Variants in NUP62 observed in about 807,000 individuals in gnomAD.
The protein encoded by NUP62 is nuclear pore glycoprotein p62.
For synonymous variants in NUP62, 305 were observed against 303.4 expected, an observed-to-expected ratio of 1.01 and a Z score of -0.05; for missense variants, 647 against 689.4, an observed-to-expected ratio of 0.94 and a Z score of 0.69.
intron 2 of NUP62, among the ~76,000 whole-genome samples, chr19:49,925,430 C>G (rs142564599): frequency 1.8e-3 from 253 of 143,016 alleles, no homozygotes; most frequent in African/African-American, 6.3e-3. Flanking sequence ...CCCTCCCCCC[C>G]ATCTCTACTA....
At position 49,907,424 on chromosome 19, in the gene NUP62, G is replaced by A; in HGVS notation, c.*815C>T. 2.5e-6 allele frequency: 1 copy of A among 396,536 alleles called. No individual in the cohort carries two copies. The highest frequency in any genetic ancestry group is 4.8e-6 in the Non-Finnish European group (1 of 206,942). 24.6% of individuals were successfully genotyped at this position (396,536 alleles called of 1,614,324 possible). A position where few individuals can be genotyped will look rare whatever the true frequency, so the allele number is the denominator to read the frequency against. The stretch of plus-strand genomic sequence containing the variant: ...CTGACCTGTCTTCTGTGAAATTCTT[G>A]ATCCCGCTCTGTTCTATTCACACTG... On this transcript the variant is annotated 3_prime_UTR_variant, in exon 3 of 3. Transcript: ENST00000352066.
At chr19:49,925,718 C>T (rs1429033993) in intron 2 of NUP62, among the ~76,000 whole-genome samples, 1 of 152,170 alleles carries the variant, frequency 6.6e-6, no homozygotes, top group Non-Finnish European at 1.5e-5. Context: ...AAATCAGCAT[C>T]AAGTGTGGTC....
rs745528659 is a variant in NUP62, at chr19:49,908,896, G to A, written c.912C>T (p.Ser304=). The A allele has an allele frequency of 9.3e-6, 15 of 1,608,748 alleles. No homozygotes were observed. The highest frequency in any genetic ancestry group is 4.4e-5 in the South Asian group (4 of 91,018). ...LKPLAPAGIP[S]NTAAAVTAPP... ...GAGCGGTCACGGCAGCTGCTGTATT[G>A]CTGGGGATCCCGGCTGGCGCCAGTG... The change falls in exon 3 of 3, where the codon AGC becomes AGT. Residue 304 remains serine, a synonymous_variant. Coordinates refer to ENST00000352066, the MANE Select transcript of NUP62 (RefSeq NM_016553.5).
At chr19:49,919,893 T>C (rs1420516751) in intron 2 of NUP62, among the ~76,000 whole-genome samples, 3 of 152,204 alleles carry the variant, frequency 2.0e-5, no homozygotes, top group African/African-American at 2.4e-5. Context: ...ACTCTTGTAT[T>C]GAAAGTTTTT....
chr19:49,923,029 T>A (rs2075800994), intron 2 of NUP62, among the ~76,000 whole-genome samples: 1 of 152,184 alleles, frequency 6.6e-6, no homozygotes, highest in African/African-American at 2.4e-5. Flanking sequence ...GATGGCATCC[T>A]GGGCTCTAGG....
chr19:49,908,973 C>T lies in NUP62; in HGVS notation c.835G>A (p.Ala279Thr), dbSNP rs113473061. 7.9e-4 allele frequency: 1,265 copies of T among 1,606,906 alleles called. 10 individuals carry two copies. In the African/African-American group the frequency reaches 0.014, roughly 18 times the overall value. ...TTTSTAATATATTTSSSSTTG... is the reference protein window; with the variant it reads ...TTTSTAATATTTTTSSSSTTG... Reference sequence around the variant, plus strand: ...GTGCTGCTGCTGCTGGTGGTGGTGGCGGTGGCGGTGGCAGCGGTGGATGTT... The same window carrying T: ...GTGCTGCTGCTGCTGGTGGTGGTGGTGGTGGCGGTGGCAGCGGTGGATGTT... The change falls in exon 3 of 3, where the codon GCC becomes ACC. Residue 279 changes from alanine (A) to threonine (T), a missense_variant. Coordinates refer to ENST00000352066, the MANE Select transcript of NUP62 (RefSeq NM_016553.5).
Position 49,908,531 on chromosome 19 carries a change from G to C in NUP62, c.1277C>G (p.Ala426Gly). Residue 426 changes from alanine (A) to glycine (G), a missense_variant, in exon 3 of 3, where the codon GCG (alanine) becomes GGG (glycine). Ala to Gly is a moderately conservative substitution (Grantham distance 60). Transcript: ENST00000352066. ...EQSGTIYLQH[A>G]DEEREKTYKL... ...GTAGGTTTTCTCACGCTCCTCATCC[G>C]CGTGCTGCAGGTAGATGGTCCCGCT... 1 of 1,614,144 alleles carries C rather than the reference G, an allele frequency of 6.2e-7. No homozygotes were observed. The highest frequency in any genetic ancestry group is 1.3e-5 in the African/African-American group (1 of 75,040).
intron 2 of NUP62, among the ~76,000 whole-genome samples, chr19:49,913,365 G>A (rs946895900): frequency 1.3e-4 from 20 of 152,176 alleles, no homozygotes; most frequent in African/African-American, 3.4e-4. Flanking sequence ...AGATAAGAGC[G>A]CCTTTGTTTA....
Position 49,908,051 on chromosome 19 carries a change from G to C in NUP62, c.*188C>G. On this transcript the variant is annotated 3_prime_UTR_variant, in exon 3 of 3. Transcript: ENST00000352066. ...AGCCACACCCATGAGGCTGCTGCCT[G>C]GGCAGAAGGCCCAGAATACCCTCCT... 2 of 1,300,270 alleles carry C rather than the reference G, an allele frequency of 1.5e-6. No individual in the cohort carries two copies. The highest frequency in any genetic ancestry group is 2.1e-6 in the Non-Finnish European group (2 of 974,472). The allele number at this position is 1,300,270 out of a possible 1,614,324, so 80.5% of individuals were successfully genotyped here.
At position 49,907,357 on chromosome 19, in the gene NUP62, C is replaced by T. The variant is rs2075344582; in HGVS notation, c.*882G>A. ...GGCAAAAGGCAGGCCTCTCGGCGCCCATCTGTGGTTCCTCAACACCCTGTG... is the reference window on the plus strand; with the variant it reads ...GGCAAAAGGCAGGCCTCTCGGCGCCTATCTGTGGTTCCTCAACACCCTGTG... On this transcript the variant is annotated 3_prime_UTR_variant, in exon 3 of 3. Transcript: ENST00000352066. The T allele has an allele frequency of 3.1e-6, 1 of 319,994 alleles. No individual in the cohort carries two copies. Among genetic ancestry groups the T allele is most frequent in the Non-Finnish European group, 6.0e-6 (1 of 165,962 alleles). The allele number at this position is 319,994 out of a possible 1,614,324, so 19.8% of individuals were successfully genotyped here.
At chr19:49,923,299 C>G (rs939471714) in intron 2 of NUP62, among the ~76,000 whole-genome samples, 11 of 152,164 alleles carry the variant, frequency 7.2e-5, no homozygotes, top group Non-Finnish European at 1.3e-4. Flanking sequence ...ACCCAGTTAC[C>G]CTCCCTGGCT....
intron 2 of NUP62, among the ~76,000 whole-genome samples, chr19:49,920,993 C>T (rs556720390): frequency 1.8e-4 from 28 of 152,150 alleles, no homozygotes; most frequent in Admixed American, 1.3e-4. Context: ...TCTCTGGGAA[C>T]CAGGTGAAGG....
At chr19:49,912,604 C>T (rs1280890538) in intron 2 of NUP62, among the ~76,000 whole-genome samples, 1 of 152,298 alleles carries the variant, frequency 6.6e-6, no homozygotes, top group East Asian at 1.9e-4. Context: ...TGGCTCACGC[C>T]TGTAATCCCA....
Position 49,907,311 on chromosome 19 carries a change from G to C in NUP62, c.*928C>G, listed in dbSNP as rs2075343280. The C allele has an allele frequency of 3.2e-6, 1 of 312,886 alleles. No individual in the cohort carries two copies. The highest frequency in any genetic ancestry group is 2.3e-5 in the African/African-American group (1 of 43,490). The allele number at this position is 312,886 out of a possible 1,614,324, so 19.4% of individuals were successfully genotyped here. A position where few individuals can be genotyped will look rare whatever the true frequency, so the allele number is the denominator to read the frequency against. ...GCTTCCTGGAGGAGGTGAGGCCCAA[G>C]GTGGGGGTGAGCCTGGGCCAGGCAA... On this transcript the variant is annotated 3_prime_UTR_variant, in exon 3 of 3. Transcript: ENST00000352066.
chr19:49,908,047 G>T lies in NUP62; in HGVS notation c.*192C>A, dbSNP rs1458464204. 4.0e-6 allele frequency: 5 copies of T among 1,251,724 alleles called. No individual in the cohort carries two copies. The highest frequency in any genetic ancestry group is 2.8e-4 in the Middle Eastern group (1 of 3,546). 77.5% of individuals were successfully genotyped at this position (1,251,724 alleles called of 1,614,324 possible). A position where few individuals can be genotyped will look rare whatever the true frequency, so the allele number is the denominator to read the frequency against. ...CAGAAGCCACACCCATGAGGCTGCT[G>T]CCTGGGCAGAAGGCCCAGAATACCC... On this transcript the variant is annotated 3_prime_UTR_variant, in exon 3 of 3. Transcript: ENST00000352066.
chr19:49,908,595 C>A lies in NUP62; in HGVS notation c.1213G>T (p.Asp405Tyr). Residue 405 changes from aspartate to tyrosine, a missense_variant, in exon 3 of 3, where the codon GAC becomes TAC. Asp to Tyr is a radical substitution (Grantham distance 160, BLOSUM62 -3). Transcript: ENST00000352066. ...AACTCCTCCAGTGGGCTCAGCAGGT[C>A]TTCCAGCTCCTTCTGCTGGGACAGG... ...FILSQQKELE[D>Y]LLSPLEELVK... The A allele has an allele frequency of 1.2e-6, 2 of 1,614,090 alleles. No homozygotes were observed. The highest frequency in any genetic ancestry group is 4.5e-5 in the East Asian group (2 of 44,888).
chr19:49,923,088 T>C (rs953062322), intron 2 of NUP62, among the ~76,000 whole-genome samples: 1 of 151,940 alleles, frequency 6.6e-6, no homozygotes, highest in Admixed American at 6.6e-5. Context: ...TTTTTTTGCA[T>C]AAGAGCTGTG....
intron 2 of NUP62, among the ~76,000 whole-genome samples, chr19:49,918,078 CTTT>C (rs559266842): frequency 7.5e-6 from 1 of 132,622 alleles, no homozygotes. Context: ...TTTCCTTTTT[CTTT>C]TTTTTTTTTT....
intron 2 of NUP62, among the ~76,000 whole-genome samples, chr19:49,925,963 C>G (rs2075876294): frequency 6.6e-6 from 1 of 152,088 alleles, no homozygotes; most frequent in Non-Finnish European, 1.5e-5. Flanking sequence ...GTAATCCCAG[C>G]ACTTTGGGAG....
Sources: allele counts gnomAD v4.1 joint callset (sites outside exome capture counted in the v4.1 genomes callset), GRCh38; gene constraint gnomAD v4.1.1; transcripts MANE v1.5; gene names NCBI Gene and HGNC (gene_info 2026-07-23, HGNC 2026-07-21).